Variants in KIF5B observed in about 807,000 individuals in gnomAD.
KIF5B encodes the protein kinesin family member 5B.
A neutral mutation model predicts 132.8 loss-of-function variants in KIF5B; 49 were observed. The observed-to-expected ratio is 0.37, with a 90% CI of 0.29 to 0.47. The LOEUF is 0.47. KIF5B is among the 20% of genes least tolerant of loss of function. KIF5B has a pLI of 1.00. For missense variants in KIF5B, 780 were observed against 1,144.0 expected, an observed-to-expected ratio of 0.68 and a Z score of 4.59; for synonymous variants, 355 against 369.4, an observed-to-expected ratio of 0.96 and a Z score of 0.45.
At chr10:32,053,137 A>G (rs1464164920) in intron 1 of KIF5B, among the ~76,000 whole-genome samples, 3 of 152,214 alleles carry the variant, frequency 2.0e-5, no homozygotes, top group African/African-American at 4.8e-5. Flanking sequence ...ATTCTCTCCT[A>G]AACTGTTCAT....
chr10:32,035,396 A>G (rs759287816), intron 10 of KIF5B, 126 bp downstream of exon 10: 137 of 710,490 alleles, frequency 1.9e-4, no homozygotes, highest in Non-Finnish European at 2.8e-4. Flanking sequence ...ATCTGTCATC[A>G]ATTCAAACTG....
intron 4 of KIF5B, 91 bp downstream of exon 4, chr10:32,039,236 T>C (rs1403446815): frequency 1.7e-6 from 1 of 582,968 alleles, no homozygotes; most frequent in South Asian, 2.6e-5. Flanking sequence ...AGAAAAACAA[T>C]TTTTAAAATT....
chr10:32,017,370 A>G lies in KIF5B; in HGVS notation c.2545-11T>C, dbSNP rs1431281223. 1 of 1,599,254 alleles carries G rather than the reference A, an allele frequency of 6.3e-7. No individual in the cohort carries two copies. The highest frequency in any genetic ancestry group is 1.7e-5 in the Admixed American group (1 of 59,154). On this transcript the variant is annotated splice_polypyrimidine_tract_variant and intron_variant, in intron 23 of 25. Coordinates refer to ENST00000302418, the MANE Select transcript of KIF5B (RefSeq NM_004521.3). Reference sequence around the variant, plus strand: ...ATTATCACGTACCAACTAAACGTACACAAAGAAAACAAGGATTCCAGATTT... The same window carrying G: ...ATTATCACGTACCAACTAAACGTACGCAAAGAAAACAAGGATTCCAGATTT...
In KIF5B at chr10:32,011,133, A is replaced by C. The variant is rs186928538; in HGVS notation, c.*404T>G. ...GTTTTAATAGGAAAAGAAAAACAAG[A>C]AGCAGTAGCAGCTAGGTAATTTAAA... On this transcript the variant is annotated 3_prime_UTR_variant, in exon 26 of 26. Transcript: ENST00000302418. 2.0e-5 allele frequency: 3 copies of C among 152,550 alleles called. No individual in the cohort carries two copies. The highest frequency in any genetic ancestry group is 6.5e-5 in the Admixed American group (1 of 15,306). The allele number at this position is 152,550 out of a possible 1,614,324, so 9.4% of individuals were successfully genotyped here. A position where few individuals can be genotyped will look rare whatever the true frequency, so the allele number is the denominator to read the frequency against.
rs887492 is a variant in KIF5B, at chr10:32,048,355, A to C, written c.214+109T>G. On this transcript the variant is annotated intron_variant, in intron 2 of 25. Transcript: ENST00000302418. Reference sequence around the variant, plus strand: ...TTTAAACAACTTTCTTCTGCAATTAACTTAGAAGAAAGGGGCATTAAAATG... The same window carrying C: ...TTTAAACAACTTTCTTCTGCAATTACCTTAGAAGAAAGGGGCATTAAAATG... The C allele has an allele frequency of 0.11, 70,814 of 673,172 alleles. 4,262 individuals carry two copies. The highest frequency in any genetic ancestry group is 0.14 in the Admixed American group (4,698 of 34,720). 41.7% of individuals were successfully genotyped at this position (673,172 alleles called of 1,614,324 possible). A position where few individuals can be genotyped will look rare whatever the true frequency, so the allele number is the denominator to read the frequency against.
At chr10:32,031,370 A>C in intron 13 of KIF5B, 91 bp from the exon 14 acceptor site, 1 of 910,124 alleles carries the variant, frequency 1.1e-6, no homozygotes, top group Admixed American at 2.2e-5. Flanking sequence ...GAACAAATGG[A>C]GTGAAATATG....
At chr10:32,015,324 T>C (rs182913371) in intron 25 of KIF5B, among the ~76,000 whole-genome samples, 185 bp downstream of exon 25, 30 of 152,234 alleles carry the variant, frequency 2.0e-4, no homozygotes, top group South Asian at 1.0e-3. Context: ...TCAAAACAAT[T>C]AAGACCACAA....
chr10:32,034,943 G>T, intron 10 of KIF5B, 105 bp from the exon 11 acceptor site: 1 of 825,678 alleles, frequency 1.2e-6, no homozygotes, highest in Non-Finnish European at 1.7e-6. Context: ...TGCTTGTCCA[G>T]TAATCTCTTA....
At chr10:32,042,301 G>C (rs897705359) in intron 2 of KIF5B, among the ~76,000 whole-genome samples, 3 of 152,002 alleles carry the variant, frequency 2.0e-5, no homozygotes, top group African/African-American at 4.8e-5. Flanking sequence ...AACTTCCCTG[G>C]GAAGATTTTA....
chr10:32,031,458 T>C (rs768791736), intron 13 of KIF5B, among the ~76,000 whole-genome samples, 179 bp from the exon 14 acceptor site: 22 of 152,272 alleles, frequency 1.4e-4, no homozygotes, highest in South Asian at 6.2e-4. Flanking sequence ...CTGTGCTGGA[T>C]GCTGCAAGGC....
At chr10:32,053,751 A>T (rs1264197703) in intron 1 of KIF5B, among the ~76,000 whole-genome samples, 1 of 152,026 alleles carries the variant, frequency 6.6e-6, no homozygotes, top group Non-Finnish European at 1.5e-5. Context: ...AAAATCTCAA[A>T]AAAACAACCA....
intron 23 of KIF5B, among the ~76,000 whole-genome samples, chr10:32,017,748 T>C (rs1185928620): frequency 6.6e-6 from 1 of 152,240 alleles, no homozygotes; most frequent in Non-Finnish European, 1.5e-5. Flanking sequence ...TTTGCAGTAC[T>C]TTAACTGCAG....
chr10:32,017,432 T>A, intron 23 of KIF5B, 73 bp from the exon 24 acceptor site: 2 of 1,176,680 alleles, frequency 1.7e-6, no homozygotes, highest in Non-Finnish European at 1.2e-6. Flanking sequence ...CATTTCATAA[T>A]TGCTCTTTAG....
rs191497459 is a variant in KIF5B, at chr10:32,016,345, A to C, written c.2762-686T>G. Among the ~76,000 whole-genome samples the C allele has an allele frequency of 2.2e-4, 34 of 152,178 alleles. No homozygotes were observed. The East Asian group carries it at 6.4e-3, about 29-fold the overall frequency. On this transcript the variant is annotated intron_variant, in intron 24 of 25. Coordinates refer to ENST00000302418, the MANE Select transcript of KIF5B (RefSeq NM_004521.3). ...GTGGCTTGCACCTTCAATCCCAGCT[A>C]CTAGGGAGGCTGAGGCAGGAGAATC... is the stretch of plus-strand genomic sequence containing the variant.
intron 25 of KIF5B, among the ~76,000 whole-genome samples, 189 bp downstream of exon 25, chr10:32,015,320 C>T (rs1469876539): frequency 6.6e-6 from 1 of 152,038 alleles, no homozygotes; most frequent in African/African-American, 2.4e-5. Context: ...GATTTCAAAA[C>T]AATTAAGACC....
intron 6 of KIF5B, 46 bp from the exon 7 acceptor site, chr10:32,037,653 T>C: frequency 1.4e-6 from 2 of 1,404,018 alleles, no homozygotes; most frequent in East Asian, 2.3e-5. Flanking sequence ...GCCAACATGA[T>C]GAAACCCTTT....
At chr10:32,020,364 A>G (rs187569680) in intron 19 of KIF5B, among the ~76,000 whole-genome samples, 2 of 152,214 alleles carry the variant, frequency 1.3e-5, no homozygotes, top group East Asian at 3.9e-4. Flanking sequence ...GCTTCTAGAT[A>G]AACTAAGATG....
rs538375249 is a variant in KIF5B, at chr10:32,010,182, G to T, written c.*1355C>A. 2 of 152,186 alleles carry T rather than the reference G, an allele frequency of 1.3e-5. No homozygotes were observed. Among genetic ancestry groups the T allele is most frequent in the Middle Eastern group, 6.8e-3 (2 of 294 alleles). The allele number at this position is 152,186 out of a possible 1,614,324, so 9.4% of individuals were successfully genotyped here. ...AAATCCCCATTCTCTGTGAATTTCT[G>T]CTAACACAGTTGCAGTCACCGCCCC... is the stretch of plus-strand genomic sequence containing the variant. On this transcript the variant is annotated 3_prime_UTR_variant, in exon 26 of 26. Transcript: ENST00000302418.
chr10:32,025,301 T>A (rs1841320761), intron 15 of KIF5B, among the ~76,000 whole-genome samples: 3 of 152,318 alleles, frequency 2.0e-5, no homozygotes, highest in South Asian at 2.1e-4. Flanking sequence ...AGTCATAACG[T>A]ACAACCTAGC....
Sources: allele counts gnomAD v4.1 joint callset (sites outside exome capture counted in the v4.1 genomes callset), GRCh38; gene constraint gnomAD v4.1.1; transcripts MANE v1.5; gene names NCBI Gene and HGNC (gene_info 2026-07-23, HGNC 2026-07-21).